The following CNTLN variants were observed in gnomAD, a reference collection of about 807,000 sequenced individuals.
CNTLN encodes centlein, centrosomal protein.
Under a neutral mutation model 180.0 loss-of-function variants are expected in CNTLN, and 212 were observed. That is an observed-to-expected ratio of 1.18 (90% CI 1.05 to 1.32). The LOEUF (loss-of-function observed/expected upper bound fraction) is 1.32. Ranked by LOEUF, CNTLN falls within the 40% of genes most tolerant of loss-of-function variation. The pLI is 0.00. For synonymous variants in CNTLN, 722 were observed against 563.1 expected, an observed-to-expected ratio of 1.28 and a Z score of -3.99; for missense variants, 2,095 against 1,610.9, an observed-to-expected ratio of 1.30 and a Z score of -5.14.
chr9:17,210,624 G>T (rs957534288), intron 2 of CNTLN, among the ~76,000 whole-genome samples: 3 of 152,178 alleles, frequency 2.0e-5, no homozygotes, highest in African/African-American at 4.8e-5. Flanking sequence ...AGATCCTTGA[G>T]GAATCACCAC....
chr9:17,366,835 A>G (rs1823863986), intron 13 of CNTLN, 118 bp downstream of exon 13: 5 of 597,030 alleles, frequency 8.4e-6, no homozygotes, highest in Non-Finnish European at 1.2e-5. Flanking sequence ...CCAACACTTT[A>G]TTCATTGATA....
At chr9:17,454,816 G>A (rs778274635) in intron 18 of CNTLN, among the ~76,000 whole-genome samples, 4 of 152,120 alleles carry the variant, frequency 2.6e-5, no homozygotes, top group African/African-American at 4.8e-5. Context: ...CAGAGAATTC[G>A]AATCCGGAAA....
At chr9:17,446,816 T>C (rs1830453255) in intron 18 of CNTLN, among the ~76,000 whole-genome samples, 1 of 152,166 alleles carries the variant, frequency 6.6e-6, no homozygotes, top group African/African-American at 2.4e-5. Context: ...AATACTATTG[T>C]AATAGCACAC....
chr9:17,200,155 T>G (rs1822424055), intron 2 of CNTLN, among the ~76,000 whole-genome samples: 1 of 152,156 alleles, frequency 6.6e-6, no homozygotes, highest in Non-Finnish European at 1.5e-5. Flanking sequence ...TGTAGATGTG[T>G]GATGTTACTT....
intron 18 of CNTLN, among the ~76,000 whole-genome samples, chr9:17,457,199 C>G (rs1246877810): frequency 2.0e-5 from 3 of 152,072 alleles, no homozygotes; most frequent in Admixed American, 1.3e-4. Context: ...TACATCAGCT[C>G]TGAAGTCAAG....
At chr9:17,187,916 A>T (rs916811594) in intron 2 of CNTLN, among the ~76,000 whole-genome samples, 5 of 151,104 alleles carry the variant, frequency 3.3e-5, no homozygotes, top group African/African-American at 1.2e-4. Flanking sequence ...TTTATCATGA[A>T]ATATTTTGAG....
At chr9:17,294,544 G>A (rs1817664839) in intron 6 of CNTLN, among the ~76,000 whole-genome samples, 1 of 151,022 alleles carries the variant, frequency 6.6e-6, no homozygotes. Context: ...GTGCTGATTG[G>A]TGTGTTTACA....
chr9:17,490,307 C>T (rs189141500), intron 25 of CNTLN, among the ~76,000 whole-genome samples: 1 of 151,932 alleles, frequency 6.6e-6, no homozygotes, highest in Admixed American at 6.6e-5. Context: ...AGATTGTGAT[C>T]TACATTCTAA....
intron 8 of CNTLN, among the ~76,000 whole-genome samples, chr9:17,328,207 TA>T (rs1466779123): frequency 6.6e-6 from 1 of 152,182 alleles, no homozygotes; most frequent in African/African-American, 2.4e-5. Flanking sequence ...TAATTAGAAG[TA>T]AATTAAAGGT....
At position 17,135,307 on chromosome 9, in the gene CNTLN, G is replaced by A. The variant is rs540988878; in HGVS notation, c.242G>A (p.Ser81Asn). ...GAAPAHAPLL[S>N]APMGSRRLEG... ...GCTCCGGCTCATGCTCCCCTCCTCA[G>A]CGCGCCCATGGGGTCCAGACGGCTA... Residue 81 changes from serine (S) to asparagine (N), a missense_variant, in exon 1 of 26, where the codon AGC becomes AAC. By Grantham distance (46) the Ser-to-Asn change is conservative. Coordinates refer to ENST00000380647, the MANE Select transcript of CNTLN (RefSeq NM_017738.4). 5 of 1,601,714 alleles carry A rather than the reference G, an allele frequency of 3.1e-6. No individual in the cohort carries two copies. Among genetic ancestry groups the A allele is most frequent in the Non-Finnish European group, 3.4e-6 (4 of 1,175,080 alleles).
chr9:17,296,175 G>A (rs1362938428), intron 6 of CNTLN, among the ~76,000 whole-genome samples: 1 of 151,816 alleles, frequency 6.6e-6, no homozygotes, highest in Non-Finnish European at 1.5e-5. Flanking sequence ...GCCAATTTTT[G>A]TAATTTTTGT....
At chr9:17,169,670 T>G (rs1011096107) in intron 2 of CNTLN, among the ~76,000 whole-genome samples, 1 of 152,188 alleles carries the variant, frequency 6.6e-6, no homozygotes, top group Non-Finnish European at 1.5e-5. Flanking sequence ...CTTTGCACAT[T>G]GTGTATTCTT....
Position 17,217,682 on chromosome 9 carries a change from C to T in CNTLN, c.450-8521C>T, listed in dbSNP as rs184889205. Among the ~76,000 whole-genome samples the T allele has an allele frequency of 9.7e-4, 148 of 152,256 alleles. 1 individual carries two copies. The highest frequency in any genetic ancestry group is 1.6e-3 in the Non-Finnish European group (109 of 68,022). ...AAAATATTTGCACAATCATGAAAGG[C>T]ATATAATGCACAATCATAAAAGGCA... On this transcript the variant is annotated intron_variant, in intron 2 of 25. Transcript: ENST00000380647.
At chr9:17,455,076 T>C (rs1831033830) in intron 18 of CNTLN, among the ~76,000 whole-genome samples, 1 of 152,156 alleles carries the variant, frequency 6.6e-6, no homozygotes, top group African/African-American at 2.4e-5. Flanking sequence ...AAGAAAGTTA[T>C]TTATACATTT....
At chr9:17,518,414 T>C in the CNTLN span, among the ~76,000 whole-genome samples, 1 of 152,170 alleles carries the variant, frequency 6.6e-6, no homozygotes, top group African/African-American at 2.4e-5. Flanking sequence ...TGAAGGGCCA[T>C]AGATCATTAG....
chr9:17,254,240 G>A (rs1011205451), intron 5 of CNTLN, among the ~76,000 whole-genome samples: 2 of 151,590 alleles, frequency 1.3e-5, no homozygotes, highest in Non-Finnish European at 1.5e-5. Context: ...TTTTTAATCT[G>A]TTCATTGTGT....
At chr9:17,209,504 T>C (rs531784046) in intron 2 of CNTLN, among the ~76,000 whole-genome samples, 9 of 152,350 alleles carry the variant, frequency 5.9e-5, no homozygotes, top group Non-Finnish European at 1.0e-4. Context: ...TTCTGTCTAA[T>C]GCTGGAAGTG....
Position 17,483,892 on chromosome 9 carries a change from T to G in CNTLN, c.3856-403T>G, listed in dbSNP as rs573767665. On this transcript the variant is annotated intron_variant, in intron 23 of 25. Transcript: ENST00000380647. ...AATCTTTCATTGGTTTATGTAACCA[T>G]TAAATGAATTATGCAGCTAACCTGT... Among the ~76,000 whole-genome samples the G allele has an allele frequency of 2.0e-5, 3 of 152,318 alleles. No homozygotes were observed. In the South Asian group the frequency reaches 6.2e-4, roughly 32 times the overall value.
chr9:17,302,057 AT>A, intron 7 of CNTLN: 1 of 984,798 alleles, frequency 1.0e-6, no homozygotes, highest in East Asian at 1.1e-4. Context: ...GACTATTACT[AT>A]TCATTATAGT....
Sources: allele counts gnomAD v4.1 joint callset (sites outside exome capture counted in the v4.1 genomes callset), GRCh38; gene constraint gnomAD v4.1.1; transcripts MANE v1.5; gene names NCBI Gene and HGNC (gene_info 2026-07-23, HGNC 2026-07-21).